The following DEUP1 variants were observed in gnomAD, a reference collection of about 807,000 sequenced individuals.
DEUP1 encodes the protein deuterosome assembly protein 1, also known as coiled-coil domain containing 67.
Under a neutral mutation model 87.4 loss-of-function variants are expected in DEUP1, and 82 were observed. That is an observed-to-expected ratio of 0.94 (90% CI 0.78 to 1.13). The LOEUF is 1.13. Ranked by LOEUF, DEUP1 falls within the 50% of genes most tolerant of loss-of-function variation. The pLI is 0.00. For synonymous variants in DEUP1, 214 were observed against 222.7 expected, an observed-to-expected ratio of 0.96 and a Z score of 0.35; for missense variants, 663 against 681.5, an observed-to-expected ratio of 0.97 and a Z score of 0.30.
chr11:93,344,862 C>G (rs570606733), intron 2 of DEUP1, among the ~76,000 whole-genome samples: 226 of 142,450 alleles, frequency 1.6e-3, no homozygotes, highest in African/African-American at 5.4e-3. Flanking sequence ...TTTTTTTTAA[C>G]TTTTTTTTTT....
At chr11:93,415,949 C>G (rs1426149531) in intron 13 of DEUP1, among the ~76,000 whole-genome samples, 1 of 151,914 alleles carries the variant, frequency 6.6e-6, no homozygotes, top group African/African-American at 2.4e-5. Flanking sequence ...ATACTGCTGC[C>G]AAAAAATTCT....
intron 2 of DEUP1, among the ~76,000 whole-genome samples, chr11:93,338,153 A>G (rs1337915051): frequency 6.6e-6 from 1 of 152,192 alleles, no homozygotes; most frequent in Non-Finnish European, 1.5e-5. Context: ...AGCAGTTAGT[A>G]TAAAAGTTGT....
At chr11:93,436,426 A>G (rs991213360) in intron 13 of DEUP1, among the ~76,000 whole-genome samples, 1 of 152,182 alleles carries the variant, frequency 6.6e-6, no homozygotes, top group Non-Finnish European at 1.5e-5. Context: ...ACTGCTTCCT[A>G]TCCTCCTTTT....
At chr11:93,371,998 G>A (rs1443802800) in intron 7 of DEUP1, among the ~76,000 whole-genome samples, 9 of 147,952 alleles carry the variant, frequency 6.1e-5, no homozygotes, top group African/African-American at 2.2e-4. Flanking sequence ...GCGGGATCTC[G>A]GCTCACTGCA....
chr11:93,357,168 G>T, intron 4 of DEUP1, 125 bp downstream of exon 4: 2 of 627,238 alleles, frequency 3.2e-6, no homozygotes, highest in Non-Finnish European at 5.4e-6. Flanking sequence ...TATAAGCTTG[G>T]TCATGTCTTT....
At chr11:93,427,423 T>C (rs534488435) in intron 13 of DEUP1, among the ~76,000 whole-genome samples, 28 of 152,258 alleles carry the variant, frequency 1.8e-4, no homozygotes, top group African/African-American at 5.1e-4. Context: ...GCTAGCCATA[T>C]GTAGAAAGCT....
At chr11:93,363,823 C>T (rs1412209242) in intron 4 of DEUP1, among the ~76,000 whole-genome samples, 1 of 151,772 alleles carries the variant, frequency 6.6e-6, no homozygotes, top group Non-Finnish European at 1.5e-5. Context: ...CACAAGACGG[C>T]ACTAACTAAA....
chr11:93,370,259 A>G, intron 6 of DEUP1, 73 bp downstream of exon 6: 1 of 789,158 alleles, frequency 1.3e-6, no homozygotes, highest in Non-Finnish European at 2.0e-6. Flanking sequence ...TTCACCAGTA[A>G]TCTATTTACA....
chr11:93,386,019 C>T (rs1172433151), intron 8 of DEUP1, among the ~76,000 whole-genome samples: 1 of 151,140 alleles, frequency 6.6e-6, no homozygotes, highest in Non-Finnish European at 1.5e-5. Context: ...TGCCACTGTA[C>T]ACCAGCCTGG....
chr11:93,398,681 G>A (rs1020159474), intron 11 of DEUP1, among the ~76,000 whole-genome samples: 1 of 150,334 alleles, frequency 6.7e-6, no homozygotes, highest in African/African-American at 2.4e-5. Context: ...TATATCCTTT[G>A]CCCATTTTTC....
chr11:93,413,276 C>T (rs1260356102), intron 12 of DEUP1, among the ~76,000 whole-genome samples: 3 of 141,498 alleles, frequency 2.1e-5, no homozygotes, highest in Admixed American at 7.4e-5. Context: ...GAGTCTCTCT[C>T]TGTCGCCCAG....
intron 7 of DEUP1, among the ~76,000 whole-genome samples, chr11:93,382,989 T>A (rs1272053282): frequency 4.6e-5 from 7 of 152,156 alleles, no homozygotes; most frequent in Non-Finnish European, 1.5e-5. Context: ...ACTATGCCCC[T>A]CACTGAACAC....
At chr11:93,389,187 G>T in intron 9 of DEUP1, 62 bp downstream of exon 9, 1 of 927,056 alleles carries the variant, frequency 1.1e-6, no homozygotes, top group South Asian at 1.6e-5. Context: ...TACAAAGGGA[G>T]TTAAAAAAAA....
chr11:93,408,060 T>C (rs1947332484), intron 11 of DEUP1, among the ~76,000 whole-genome samples, 171 bp from the exon 12 acceptor site: 1 of 151,938 alleles, frequency 6.6e-6, no homozygotes, highest in South Asian at 2.1e-4. Flanking sequence ...TATCTGCTTG[T>C]TGTGAGGAGG....
chr11:93,373,582 CAT>C (rs199669569), intron 7 of DEUP1, among the ~76,000 whole-genome samples: 1 of 134,420 alleles, frequency 7.4e-6, no homozygotes, highest in Non-Finnish European at 1.6e-5. Context: ...TATATATATA[CAT>C]ATATATATAC....
chr11:93,365,159 C>G (rs771431721), intron 5 of DEUP1, among the ~76,000 whole-genome samples: 1 of 152,040 alleles, frequency 6.6e-6, no homozygotes, highest in Admixed American at 6.6e-5. Flanking sequence ...ACTTTTTCAT[C>G]TTTAATTAAA....
chr11:93,358,044 AAAC>A (rs1179027670), intron 4 of DEUP1, among the ~76,000 whole-genome samples: 1 of 152,194 alleles, frequency 6.6e-6, no homozygotes, highest in Non-Finnish European at 1.5e-5. Flanking sequence ...TAAGGCTGTA[AAAC>A]AACAACATAA....
intron 2 of DEUP1, among the ~76,000 whole-genome samples, chr11:93,348,427 T>G (rs1287458849): frequency 6.6e-6 from 1 of 152,218 alleles, no homozygotes; most frequent in African/African-American, 2.4e-5. Context: ...GTTGTGATGT[T>G]AAGTTGTTAA....
chr11:93,421,539 GACAA>G (rs1002656618), intron 13 of DEUP1, among the ~76,000 whole-genome samples: 2 of 45,898 alleles, frequency 4.4e-5, no homozygotes. Context: ...GCAGGGCACA[GACAA>G]ACAAAAAGAC....
Sources: gnomAD v4.1 joint callset for allele counts (sites outside exome capture counted in the v4.1 genomes callset) on GRCh38, gnomAD v4.1.1 for gene constraint, MANE v1.5 for transcripts, NCBI Gene and HGNC (gene_info 2026-07-23, HGNC 2026-07-21) for gene names.